Variants in GIMAP7 observed in about 807,000 individuals in gnomAD.
GIMAP7 encodes GTPase IMAP family member 7.
For missense variants in GIMAP7, 323 were observed against 359.7 expected (o/e 0.90, Z 0.83); for synonymous variants, 137 against 129.3 (o/e 1.06, Z -0.40).
Position 150,520,121 on chromosome 7 carries a change from AG to A in GIMAP7, c.148del (p.Ala50HisfsTer13). The A allele has an allele frequency of 6.2e-7, 1 of 1,614,178 alleles. No individual in the cohort carries two copies. ...AQAVTKNCQK[A>X]SREWQGRDLL... The stretch of plus-strand genomic sequence containing the variant: ...AAGCTGTTACCAAGAACTGTCAAAA[AG>A]CATCCCGGGAATGGCAGGGGAGAGA... On this transcript the variant is annotated frameshift_variant, in exon 2 of 2. Transcript: ENST00000313543. LOFTEE classifies it low-confidence loss of function (END_TRUNC).
chr7:150,520,439 C>A lies in GIMAP7; in HGVS notation c.465C>A (p.Ser155Arg). Residue 155 changes from serine (S) to arginine (R), a missense_variant, in exon 2 of 2, where the codon AGC (serine) becomes AGA (arginine). Ser to Arg is a moderately radical substitution (Grantham distance 110). Coordinates refer to ENST00000313543, the MANE Select transcript of GIMAP7 (RefSeq NM_153236.4). Reference protein sequence around the residue: ...FIADADVGLKSIVKECGNRCC... With the variant: ...FIADADVGLKRIVKECGNRCC... ...CAGATGCGGATGTGGGCCTAAAAAGCATCGTCAAGGAGTGCGGGAACCGCT... is the reference window on the plus strand; with the variant it reads ...CAGATGCGGATGTGGGCCTAAAAAGAATCGTCAAGGAGTGCGGGAACCGCT... The A allele has an allele frequency of 6.2e-7, 1 of 1,614,224 alleles. No individual in the cohort carries two copies. Among genetic ancestry groups the A allele is most frequent in the Non-Finnish European group, 8.5e-7 (1 of 1,180,048 alleles).
At position 150,519,936 on chromosome 7, in the gene GIMAP7, C is replaced by T. The variant is rs774971719; in HGVS notation, c.-39C>T. 2.5e-6 allele frequency: 4 copies of T among 1,594,290 alleles called. No individual in the cohort carries two copies. In the African/African-American group the frequency reaches 5.4e-5, roughly 21 times the overall value. ...TCCCCTATCTTCCCCTCCTTAAGGT[C>T]TTGTACGTGCCTAAGTTCTAGAGCC... On this transcript the variant is annotated splice_region_variant and 5_prime_UTR_variant, in exon 2 of 2. Transcript: ENST00000313543.
rs546766721 is a variant in GIMAP7, at chr7:150,514,948, G to C, written c.-42+3G>C. The C allele has an allele frequency of 3.9e-5, 6 of 152,724 alleles. No homozygotes were observed. Among genetic ancestry groups the C allele is most frequent in the Non-Finnish European group, 8.8e-5 (6 of 68,216 alleles). The allele number at this position is 152,724 out of a possible 1,614,324, so 9.5% of individuals were successfully genotyped here. A position where few individuals can be genotyped will look rare whatever the true frequency, so the allele number is the denominator to read the frequency against. Reference sequence around the variant, plus strand: ...AAATTCAACTTGTTCAAGAGAAGGTGAGCCTGGCTGAGAAGAGGGTCTGGT... The same window carrying C: ...AAATTCAACTTGTTCAAGAGAAGGTCAGCCTGGCTGAGAAGAGGGTCTGGT... On this transcript the variant is annotated splice_donor_region_variant and intron_variant, in intron 1 of 1. Coordinates refer to ENST00000313543, the MANE Select transcript of GIMAP7 (RefSeq NM_153236.4).
At chr7:150,518,573 C>G (rs1795157020) in intron 1 of GIMAP7, among the ~76,000 whole-genome samples, 2 of 152,020 alleles carry the variant, frequency 1.3e-5, no homozygotes, top group South Asian at 2.1e-4. Context: ...TTACTTTTAG[C>G]TATTCTTCAT....
chr7:150,517,036 A>T (rs1354615640), intron 1 of GIMAP7, among the ~76,000 whole-genome samples: 1 of 152,202 alleles, frequency 6.6e-6, no homozygotes, highest in Non-Finnish European at 1.5e-5. Flanking sequence ...TATTTATTAG[A>T]TGGAATAGTC....
At chr7:150,516,459 T>C (rs1795138578) in intron 1 of GIMAP7, among the ~76,000 whole-genome samples, 1 of 152,258 alleles carries the variant, frequency 6.6e-6, no homozygotes, top group South Asian at 2.1e-4. Flanking sequence ...TATTTGAGTA[T>C]GTGTCTCTGA....
chr7:150,516,024 G>A (rs1383055021), intron 1 of GIMAP7, among the ~76,000 whole-genome samples: 1 of 152,198 alleles, frequency 6.6e-6, no homozygotes, highest in Non-Finnish European at 1.5e-5. Flanking sequence ...GGTAGATTCA[G>A]ACAGACTTTG....
At chr7:150,516,454 G>T (rs1795138524) in intron 1 of GIMAP7, among the ~76,000 whole-genome samples, 1 of 152,166 alleles carries the variant, frequency 6.6e-6, no homozygotes, top group Non-Finnish European at 1.5e-5. Flanking sequence ...GTAAATATTT[G>T]AGTATGTGTC....
Position 150,519,915 on chromosome 7 carries a change from C to T in GIMAP7, c.-41-19C>T, listed in dbSNP as rs191315835. ...CTTACTAAAACTGGCTTTTTTTCCCCTATCTTCCCCTCCTTAAGGTCTTGT... is the reference window on the plus strand; with the variant it reads ...CTTACTAAAACTGGCTTTTTTTCCCTTATCTTCCCCTCCTTAAGGTCTTGT... On this transcript the variant is annotated intron_variant, in intron 1 of 1. Coordinates refer to ENST00000313543, the MANE Select transcript of GIMAP7 (RefSeq NM_153236.4). The T allele has an allele frequency of 2.8e-4, 420 of 1,500,964 alleles. 2 individuals carry two copies. The East Asian group carries it at 8.9e-3, about 32-fold the overall frequency. The allele number at this position is 1,500,964 out of a possible 1,614,324, so 93.0% of individuals were successfully genotyped here.
chr7:150,519,788 C>CAGAAATGAAA, intron 1 of GIMAP7, 146 bp from the exon 2 acceptor site: 1 of 573,660 alleles, frequency 1.7e-6, no homozygotes, highest in Non-Finnish European at 3.1e-6. Flanking sequence ...ATTAATCGGA[C>CAGAAATGAAA]TATTTCATTT....
chr7:150,516,751 A>C (rs1795140548), intron 1 of GIMAP7, among the ~76,000 whole-genome samples: 2 of 152,224 alleles, frequency 1.3e-5, no homozygotes, highest in South Asian at 4.1e-4. Context: ...GGCAGTATTC[A>C]TACTGCTGAT....
intron 1 of GIMAP7, among the ~76,000 whole-genome samples, chr7:150,517,673 C>T (rs912133081): frequency 6.6e-6 from 1 of 152,022 alleles, no homozygotes; most frequent in Non-Finnish European, 1.5e-5. Flanking sequence ...TGTGGTTCAT[C>T]CTTGACACAA....
chr7:150,520,908 A>G lies in GIMAP7; in HGVS notation c.*31A>G. 8.2e-7 allele frequency: 1 copy of G among 1,223,562 alleles called. No homozygotes were observed. The highest frequency in any genetic ancestry group is 1.6e-5 in the African/African-American group (1 of 63,110). The allele number at this position is 1,223,562 out of a possible 1,614,324, so 75.8% of individuals were successfully genotyped here. A position where few individuals can be genotyped will look rare whatever the true frequency, so the allele number is the denominator to read the frequency against. On this transcript the variant is annotated 3_prime_UTR_variant, in exon 2 of 2. Transcript: ENST00000313543. ...TGTGATTTGTTAATGGATGAATTGT[A>G]TTTTGCAAAGATAGTTAGAGAAATA...
chr7:150,516,942 G>T (rs1795142224), intron 1 of GIMAP7, among the ~76,000 whole-genome samples: 1 of 152,042 alleles, frequency 6.6e-6, no homozygotes, highest in South Asian at 2.1e-4. Context: ...CTCTTTTTGT[G>T]ATGTTAGCAG....
chr7:150,516,366 G>A (rs954035323), intron 1 of GIMAP7, among the ~76,000 whole-genome samples: 10 of 152,144 alleles, frequency 6.6e-5, no homozygotes, highest in African/African-American at 2.4e-4. Context: ...TGCCAGTCTT[G>A]TTCAAATATC....
chr7:150,518,495 AT>A (rs562048887), intron 1 of GIMAP7, among the ~76,000 whole-genome samples: 1 of 151,690 alleles, frequency 6.6e-6, no homozygotes, highest in Admixed American at 6.6e-5. Flanking sequence ...TAATTTATAT[AT>A]TTTTTTCTTT....
intron 1 of GIMAP7, among the ~76,000 whole-genome samples, chr7:150,518,260 ACCTTCT>A (rs1795154089): frequency 6.6e-6 from 1 of 152,108 alleles, no homozygotes; most frequent in African/African-American, 2.4e-5. Context: ...AGGTATTGCC[ACCTTCT>A]CCTCTATAGG....
Position 150,520,164 on chromosome 7 carries a change from A to C in GIMAP7, c.190A>C (p.Thr64Pro). 6.2e-7 allele frequency: 1 copy of C among 1,614,040 alleles called. No homozygotes were observed. Among genetic ancestry groups the C allele is most frequent in the Middle Eastern group, 1.6e-4 (1 of 6,062 alleles). Reference protein sequence around the residue: ...WQGRDLLVVDTPGLFDTKESL... With the variant: ...WQGRDLLVVDPPGLFDTKESL... ...GGGGAGAGACCTTCTTGTTGTAGAC[A>C]CTCCAGGGCTCTTTGACACCAAGGA... Residue 64 changes from threonine (T) to proline (P), a missense_variant, in exon 2 of 2, where the codon ACT (threonine) becomes CCT (proline). Coordinates refer to ENST00000313543, the MANE Select transcript of GIMAP7 (RefSeq NM_153236.4).
rs3735081 is a variant in GIMAP7, at chr7:150,520,160, A to G, written c.186A>G (p.Val62=). 1,060,834 of 1,613,844 alleles carry G rather than the reference A, an allele frequency of 0.66. 353,099 individuals are homozygous for G. Among genetic ancestry groups the G allele is most frequent in the African/African-American group, 0.93 (69,610 of 74,988 alleles). Residue 62 remains valine, a synonymous_variant, in exon 2 of 2, where the codon GTA becomes GTG. Coordinates refer to ENST00000313543, the MANE Select transcript of GIMAP7 (RefSeq NM_153236.4). ...GGCAGGGGAGAGACCTTCTTGTTGT[A>G]GACACTCCAGGGCTCTTTGACACCA... ...REWQGRDLLV[V]DTPGLFDTKE...
Sources: allele counts gnomAD v4.1 joint callset (sites outside exome capture counted in the v4.1 genomes callset), GRCh38; gene constraint gnomAD v4.1.1; transcripts MANE v1.5; gene names NCBI Gene and HGNC (gene_info 2026-07-23, HGNC 2026-07-21).